NXPH1: variants seen among roughly 807,000 people sequenced by gnomAD.
NXPH1 encodes neurexophilin 1.
Under a neutral mutation model 23.7 loss-of-function variants are expected in NXPH1, and 5 were observed. That is an observed-to-expected ratio of 0.21 (90% CI 0.11 to 0.44). The LOEUF (loss-of-function observed/expected upper bound fraction) is 0.44, where lower values mean the gene tolerates loss of function less well. Among genes scored for constraint, NXPH1 ranks in the 20% least tolerant of loss-of-function variants. The pLI is 0.99. For synonymous variants in NXPH1, 144 were observed against 122.2 expected (o/e 1.18, Z -1.18); for missense variants, 324 against 321.6 (o/e 1.01, Z -0.06).
At chr7:8,739,072 T>G (rs1432223830) in intron 2 of NXPH1, among the ~76,000 whole-genome samples, 1 of 143,850 alleles carries the variant, frequency 7.0e-6, no homozygotes, top group Non-Finnish European at 1.5e-5. Flanking sequence ...TCCTTGGGGG[T>G]GGGATCCACT....
At chr7:8,499,932 A>AGAAGCAT (rs1257650333) in intron 2 of NXPH1, among the ~76,000 whole-genome samples, 1 of 152,120 alleles carries the variant, frequency 6.6e-6, no homozygotes, top group Non-Finnish European at 1.5e-5. Context: ...CTCATGAGGA[A>AGAAGCAT]GAAGCATGTA....
chr7:8,566,012 AC>A (rs756567852), intron 2 of NXPH1, among the ~76,000 whole-genome samples: 5 of 151,768 alleles, frequency 3.3e-5, no homozygotes, highest in Non-Finnish European at 5.9e-5. Flanking sequence ...GGTTTGGGGC[AC>A]CCTGGTTACT....
In NXPH1 at chr7:8,502,151, T is replaced by C. The variant is rs1817447748; in HGVS notation, c.54+66384T>C. Reference sequence around the variant, plus strand: ...TAACCTCTTCTAGCTTCAGCTTCCCTATCTCAGAAATTACAGTGATAATGT... The same window carrying C: ...TAACCTCTTCTAGCTTCAGCTTCCCCATCTCAGAAATTACAGTGATAATGT... On this transcript the variant is annotated intron_variant, in intron 2 of 2. Transcript: ENST00000405863. Among the ~76,000 whole-genome samples, 4 of 152,054 alleles carry C rather than the reference T, an allele frequency of 2.6e-5. No homozygotes were observed. The South Asian group carries it at 8.3e-4, about 32-fold the overall frequency.
intron 2 of NXPH1, among the ~76,000 whole-genome samples, chr7:8,458,982 G>A (rs1816646521): frequency 6.6e-6 from 1 of 152,078 alleles, no homozygotes; most frequent in Non-Finnish European, 1.5e-5. Context: ...TTTATAAATT[G>A]ATTATTGTCT....
chr7:8,666,464 T>C (rs773899913), intron 2 of NXPH1, among the ~76,000 whole-genome samples: 1 of 152,058 alleles, frequency 6.6e-6, no homozygotes, highest in Non-Finnish European at 1.5e-5. Flanking sequence ...TTCATATTTA[T>C]GTTCCCCAGG....
intron 2 of NXPH1, among the ~76,000 whole-genome samples, chr7:8,677,985 T>A (rs1377331139): frequency 6.6e-6 from 1 of 152,068 alleles, no homozygotes; most frequent in African/African-American, 2.4e-5. Context: ...TATAAAATAA[T>A]CTTTAGTATC....
chr7:8,664,342 A>G (rs918025166), intron 2 of NXPH1, among the ~76,000 whole-genome samples: 26 of 152,220 alleles, frequency 1.7e-4, no homozygotes, highest in African/African-American at 5.8e-4. Context: ...AGTAATCTGC[A>G]CAAAGCACAC....
At chr7:8,559,855 C>T (rs1818412531) in intron 2 of NXPH1, among the ~76,000 whole-genome samples, 1 of 151,712 alleles carries the variant, frequency 6.6e-6, no homozygotes, top group Non-Finnish European at 1.5e-5. Flanking sequence ...GCATACTGGG[C>T]CAGTAGTCAA....
At chr7:8,467,868 A>G (rs968066874) in intron 2 of NXPH1, among the ~76,000 whole-genome samples, 3 of 152,202 alleles carry the variant, frequency 2.0e-5, no homozygotes, top group Admixed American at 6.5e-5. Flanking sequence ...AAAATTTATT[A>G]TCAAGCATGG....
chr7:8,447,680 GTGAATGATTTGCCC>G (rs891640674), intron 2 of NXPH1, among the ~76,000 whole-genome samples: 1 of 152,238 alleles, frequency 6.6e-6, no homozygotes, highest in Admixed American at 6.5e-5. Context: ...AGCATGAAAA[GTGAATGATTTGCCC>G]TGAGGTGTTT....
chr7:8,438,683 C>T (rs1816241048), intron 2 of NXPH1, among the ~76,000 whole-genome samples: 1 of 152,030 alleles, frequency 6.6e-6, no homozygotes, highest in African/African-American at 2.4e-5. Context: ...CCTTAAATAC[C>T]CCCAAATTTG....
intron 2 of NXPH1, among the ~76,000 whole-genome samples, chr7:8,719,853 C>G (rs963132790): frequency 6.6e-6 from 1 of 151,852 alleles, no homozygotes; most frequent in African/African-American, 2.4e-5. Context: ...ATAAAAAATA[C>G]AATATTATTA....
chr7:8,500,337 G>T (rs1436566910), intron 2 of NXPH1, among the ~76,000 whole-genome samples: 1 of 152,076 alleles, frequency 6.6e-6, no homozygotes, highest in Non-Finnish European at 1.5e-5. Context: ...GGGAATTTCT[G>T]AAGTTTGGTT....
At chr7:8,479,592 G>A (rs188936652) in intron 2 of NXPH1, among the ~76,000 whole-genome samples, 99 of 152,256 alleles carry the variant, frequency 6.5e-4, no homozygotes, top group Admixed American at 4.4e-3. Context: ...CATCCAGATC[G>A]TGGTGGCTTT....
At chr7:8,655,220 A>G (rs1371501012) in intron 2 of NXPH1, among the ~76,000 whole-genome samples, 4 of 152,046 alleles carry the variant, frequency 2.6e-5, no homozygotes, top group Non-Finnish European at 5.9e-5. Flanking sequence ...CCTTTTCTCT[A>G]CCAAAAATAC....
At chr7:8,475,666 C>G (rs979680688) in intron 2 of NXPH1, among the ~76,000 whole-genome samples, 1 of 151,852 alleles carries the variant, frequency 6.6e-6, no homozygotes, top group Admixed American at 6.6e-5. Context: ...GTGGGAAGCT[C>G]TTTTTTTTCC....
At chr7:8,443,360 A>C (rs1816338670) in intron 2 of NXPH1, among the ~76,000 whole-genome samples, 1 of 152,254 alleles carries the variant, frequency 6.6e-6, no homozygotes, top group African/African-American at 2.4e-5. Context: ...CCCCCGAAAC[A>C]GAAACGTGAA....
At chr7:8,552,192 T>C (rs1818289672) in intron 2 of NXPH1, among the ~76,000 whole-genome samples, 2 of 135,246 alleles carry the variant, frequency 1.5e-5, no homozygotes, top group South Asian at 4.7e-4. Context: ...TTTGTAGAAA[T>C]CTGCAGGAGG....
At chr7:8,653,823 C>T (rs2115154644) in intron 2 of NXPH1, among the ~76,000 whole-genome samples, 2 of 152,208 alleles carry the variant, frequency 1.3e-5, no homozygotes, top group South Asian at 4.1e-4. Flanking sequence ...TACCATTGGA[C>T]TTCATGCATT....
Sources: allele counts gnomAD v4.1 joint callset (sites outside exome capture counted in the v4.1 genomes callset), GRCh38; gene constraint gnomAD v4.1.1; transcripts MANE v1.5; gene names NCBI Gene and HGNC (gene_info 2026-07-23, HGNC 2026-07-21).